The following ANKRD62 variants were observed in gnomAD, a reference collection of about 807,000 sequenced individuals.
The protein encoded by ANKRD62 is ankyrin repeat domain 62.
Under a neutral mutation model 98.8 loss-of-function variants are expected in ANKRD62, and 61 were observed. The ratio of observed to expected loss-of-function variants is 0.62; its 90% CI spans 0.50 to 0.76. ANKRD62 has a LOEUF of 0.76. Among genes scored for constraint, ANKRD62 ranks in the 30% least tolerant of loss-of-function variants. The pLI, the probability that ANKRD62 is intolerant of heterozygous loss-of-function variation, is 0.00. For missense variants in ANKRD62, 933 were observed against 1,082.9 expected (o/e 0.86, Z 1.94); for synonymous variants, 341 against 367.9 (o/e 0.93, Z 0.84).
chr18:12,136,141 T>C, the ANKRD62 span, among the ~76,000 whole-genome samples: 1,535 of 152,132 alleles, frequency 0.01, 21 homozygotes, highest in African/African-American at 0.035. Context: ...TGAATGGTAT[T>C]GCCTAGGTTT....
intron 8 of ANKRD62, among the ~76,000 whole-genome samples, chr18:12,112,505 A>G (rs560036679): frequency 3.3e-5 from 5 of 152,374 alleles, no homozygotes; most frequent in Admixed American, 3.3e-4. Flanking sequence ...ATAACTGGCT[A>G]GCCATATGCA....
chr18:12,126,117 G>T lies in ANKRD62; in HGVS notation c.2296G>T (p.Val766Leu), dbSNP rs906109047. The T allele has an allele frequency of 2.0e-6, 3 of 1,536,012 alleles. No homozygotes were observed. Among genetic ancestry groups the T allele is most frequent in the Non-Finnish European group, 1.7e-6 (2 of 1,146,904 alleles). Residue 766 changes from valine (V) to leucine (L), a missense_variant, in exon 13 of 14, where the codon GTG becomes TTG. Physicochemically the swap from Val to Leu is conservative, Grantham distance 32 (BLOSUM62 1). This residue lies in a region of ANKRD62 where 362 missense variants were observed against 434.5 expected (regional missense o/e 0.83). Transcript: ENST00000587848. ...TGACCAACCTATTTTGGAAAAATAC[G>T]TGAGAAAGCAGCAATCTGTAGAGGA... ...QNDQPILEKY[V>L]RKQQSVEDGL...
chr18:12,177,351 C>T, the ANKRD62 span, among the ~76,000 whole-genome samples: 138 of 152,402 alleles, frequency 9.1e-4, no homozygotes, highest in African/African-American at 3.1e-3. Flanking sequence ...ATGGGGAAGA[C>T]ATTCCTCAAG....
the ANKRD62 span, among the ~76,000 whole-genome samples, chr18:12,137,045 C>T: frequency 1.3e-5 from 2 of 152,140 alleles, no homozygotes; most frequent in African/African-American, 4.8e-5. Context: ...TTATTTCCTT[C>T]TCCTGCCTGA....
At chr18:12,102,712 G>T in intron 6 of ANKRD62, 1 of 1,030,560 alleles carries the variant, frequency 9.7e-7, no homozygotes, top group Non-Finnish European at 1.2e-6. Flanking sequence ...GGGTGTATAT[G>T]GATGAAGGTA....
In ANKRD62 at chr18:12,107,404, A is replaced by G. The variant is rs1598732651; in HGVS notation, c.1001A>G (p.Lys334Arg). The change falls in exon 8 of 14, where the codon AAA (lysine) becomes AGA (arginine). Residue 334 changes from lysine (K) to arginine (R), a missense_variant. Around this residue, in one of 3 missense-constraint regions of ANKRD62, gnomAD observed 549 missense variants for 587.9 expected, o/e 0.93. Transcript: ENST00000587848. The stretch of plus-strand genomic sequence containing the variant: ...GATGATGTTGATGAATTAATTCACA[A>G]AATAAAGAACAGAAAACCTGATAAT... ...YNDDVDELIH[K>R]IKNRKPDNHQ... 1.3e-6 allele frequency: 2 copies of G among 1,524,770 alleles called. No individual in the cohort carries two copies. The highest frequency in any genetic ancestry group is 1.8e-6 in the Non-Finnish European group (2 of 1,141,550). The allele number at this position is 1,524,770 out of a possible 1,614,324, so 94.5% of individuals were successfully genotyped here. A position where few individuals can be genotyped will look rare whatever the true frequency, so the allele number is the denominator to read the frequency against.
chr18:12,175,504 G>T, the ANKRD62 span, among the ~76,000 whole-genome samples: 1 of 151,974 alleles, frequency 6.6e-6, no homozygotes, highest in African/African-American at 2.4e-5. Context: ...GTGGGGAGTT[G>T]CTGTGGGCCC....
At chr18:12,102,913 T>C (rs1312056013) in intron 6 of ANKRD62, 8 of 552,834 alleles carry the variant, frequency 1.4e-5, no homozygotes, top group Non-Finnish European at 2.1e-5. Flanking sequence ...TGTGAGCGAA[T>C]CTTTGAGATG....
chr18:12,103,144 G>C lies in ANKRD62; in HGVS notation c.821-14G>C. 1 of 1,371,032 alleles carries C rather than the reference G, an allele frequency of 7.3e-7. No individual in the cohort carries two copies. The highest frequency in any genetic ancestry group is 9.5e-7 in the Non-Finnish European group (1 of 1,054,420). 84.9% of individuals were successfully genotyped at this position (1,371,032 alleles called of 1,614,324 possible). On this transcript the variant is annotated splice_polypyrimidine_tract_variant and intron_variant, in intron 6 of 13. Transcript: ENST00000587848. ...AGTAGTTCATTTTAACTAAATATAT[G>C]GATTTGTGAGCAGAACAAGACTTAG...
At chr18:12,137,047 C>T in the ANKRD62 span, among the ~76,000 whole-genome samples, 1 of 152,098 alleles carries the variant, frequency 6.6e-6, no homozygotes, top group African/African-American at 2.4e-5. Context: ...ATTTCCTTCT[C>T]CTGCCTGATT....
Position 12,127,888 on chromosome 18 carries a change from G to A in ANKRD62, c.2703G>A (p.Gln901=). 1.3e-6 allele frequency: 2 copies of A among 1,521,552 alleles called. No homozygotes were observed. Among genetic ancestry groups the A allele is most frequent in the Non-Finnish European group, 1.8e-6 (2 of 1,141,090 alleles). The allele number at this position is 1,521,552 out of a possible 1,614,324, so 94.3% of individuals were successfully genotyped here. ...EAQSLKKKLG[Q]MRSQVCMKLS... is the part of the protein sequence containing the mutation. ...AAAGTTTAAAAAAGAAATTAGGCCA[G>A]ATGAGAAGTCAAGTATGTATGAAAC... The change falls in exon 14 of 14, where the codon CAG becomes CAA. Residue 901 remains glutamine (Q), a synonymous_variant. Coordinates refer to ENST00000587848, the MANE Select transcript of ANKRD62 (RefSeq NM_001277333.2).
chr18:12,173,120 A>G, the ANKRD62 span, among the ~76,000 whole-genome samples: 2 of 151,962 alleles, frequency 1.3e-5, no homozygotes, highest in Non-Finnish European at 2.9e-5. Context: ...CTGTCCGACA[A>G]GCCCCAGTGA....
At chr18:12,160,501 T>G in the ANKRD62 span, among the ~76,000 whole-genome samples, 9 of 152,104 alleles carry the variant, frequency 5.9e-5, no homozygotes, top group Non-Finnish European at 1.0e-4. Flanking sequence ...AGGGGGCAAG[T>G]AGTTTGACCC....
intron 8 of ANKRD62, among the ~76,000 whole-genome samples, chr18:12,109,967 AAAAACAG>A (rs1221171822): frequency 2.6e-5 from 4 of 151,644 alleles, no homozygotes; most frequent in African/African-American, 9.7e-5. Context: ...AAAAAAAAAA[AAAAACAG>A]ACAGACAGGT....
At chr18:12,130,220 T>C (rs1909982861), downstream of ANKRD62, among the ~76,000 whole-genome samples, 1 of 152,164 alleles carries the variant, frequency 6.6e-6, no homozygotes, top group Admixed American at 6.5e-5. Context: ...TAACAACAGT[T>C]TCTCAATTTT....
chr18:12,127,722 C>A (rs758270836), intron 13 of ANKRD62, 26 bp from the exon 14 acceptor site: 2 of 1,347,402 alleles, frequency 1.5e-6, no homozygotes, highest in African/African-American at 1.5e-5. Context: ...TATGTAAAAT[C>A]AGTAACAAAA....
the ANKRD62 span, among the ~76,000 whole-genome samples, chr18:12,150,820 A>G: frequency 1.3e-5 from 2 of 152,182 alleles, no homozygotes; most frequent in Non-Finnish European, 1.5e-5. Context: ...ATATAGAAAG[A>G]CCACCACCAG....
chr18:12,126,452 G>T, intron 13 of ANKRD62, 69 bp downstream of exon 13: 2 of 1,204,190 alleles, frequency 1.7e-6, no homozygotes, highest in Non-Finnish European at 2.3e-6. Flanking sequence ...TTTGGTTATG[G>T]CTAAACACTG....
At chr18:12,126,457 A>G in intron 13 of ANKRD62, 74 bp downstream of exon 13, 2 of 1,166,812 alleles carry the variant, frequency 1.7e-6, no homozygotes, top group African/African-American at 1.6e-5. Context: ...TTATGGCTAA[A>G]CACTGAATCT....
Sources: allele counts gnomAD v4.1 joint callset (sites outside exome capture counted in the v4.1 genomes callset), GRCh38; gene constraint gnomAD v4.1.1; regional missense constraint gnomAD v4.1.1; transcripts MANE v1.5; gene names NCBI Gene and HGNC (gene_info 2026-07-23, HGNC 2026-07-21).